The following EIF4G3 variants were observed in gnomAD, a reference collection of about 807,000 sequenced individuals.
EIF4G3 encodes the protein eukaryotic translation initiation factor 4 gamma 3, also known as eIF-4-gamma 3.
Under a neutral mutation model 186.4 loss-of-function variants are expected in EIF4G3, and 34 were observed. The ratio of observed to expected loss-of-function variants is 0.18; its 90% CI spans 0.14 to 0.24. The LOEUF is 0.24. Among genes scored for constraint, EIF4G3 ranks in the 10% least tolerant of loss-of-function variants. EIF4G3 has a pLI of 1.00. For missense variants in EIF4G3, 1,536 were observed against 1,948.5 expected (o/e 0.79, Z 3.99); for synonymous variants, 673 against 679.5 (o/e 0.99, Z 0.15).
intron 2 of EIF4G3, among the ~76,000 whole-genome samples, chr1:21,141,830 T>G (rs1005513374): frequency 6.6e-6 from 1 of 151,408 alleles, no homozygotes; most frequent in Non-Finnish European, 1.5e-5. Flanking sequence ...ACTAGAGAGG[T>G]TGAAGGGGAA....
At chr1:20,950,321 G>T (rs554745864) in intron 12 of EIF4G3, among the ~76,000 whole-genome samples, 4 of 152,204 alleles carry the variant, frequency 2.6e-5, no homozygotes, top group African/African-American at 9.6e-5. Context: ...CAGAAAAAGA[G>T]GAAGGAAAAG....
intron 2 of EIF4G3, among the ~76,000 whole-genome samples, chr1:21,119,446 C>T (rs977204678): frequency 6.6e-6 from 1 of 152,006 alleles, no homozygotes; most frequent in Non-Finnish European, 1.5e-5. Context: ...CTAATTTTCC[C>T]GGGTCATGAT....
intron 2 of EIF4G3, among the ~76,000 whole-genome samples, chr1:21,141,624 ATG>A (rs2097341208): frequency 1.3e-5 from 2 of 152,132 alleles, no homozygotes; most frequent in South Asian, 4.1e-4. Flanking sequence ...GAATAGAAAA[ATG>A]TTTTTAAAAT....
intron 30 of EIF4G3, among the ~76,000 whole-genome samples, chr1:20,839,125 G>A (rs558120679): frequency 2.0e-5 from 3 of 152,176 alleles, no homozygotes; most frequent in South Asian, 4.1e-4. Flanking sequence ...TTACAGGTGC[G>A]TGCCACCACG....
intron 16 of EIF4G3, among the ~76,000 whole-genome samples, chr1:20,899,118 A>G (rs1174909370): frequency 6.6e-6 from 1 of 152,248 alleles, no homozygotes; most frequent in Non-Finnish European, 1.5e-5. Context: ...TTTATATAGC[A>G]TTATGACAGA....
chr1:20,977,029 AT>A, intron 10 of EIF4G3, among the ~76,000 whole-genome samples: 1 of 152,172 alleles, frequency 6.6e-6, no homozygotes, highest in South Asian at 2.1e-4. Context: ...AAGTTTTATT[AT>A]TTACACTACT....
intron 30 of EIF4G3, among the ~76,000 whole-genome samples, chr1:20,829,698 T>A (rs1227912759): frequency 1.3e-5 from 2 of 152,212 alleles, no homozygotes; most frequent in Non-Finnish European, 2.9e-5. Flanking sequence ...AAGCACTGAC[T>A]AAACACTTAC....
chr1:21,001,171 A>T (rs1220271753), intron 6 of EIF4G3, 28 bp downstream of exon 6: 2 of 471,344 alleles, frequency 4.2e-6, no homozygotes, highest in African/African-American at 4.0e-5. Flanking sequence ...CACTGCCTGC[A>T]AGAAGTACAG....
At chr1:20,995,884 A>G (rs1270703880) in intron 7 of EIF4G3, among the ~76,000 whole-genome samples, 1 of 152,234 alleles carries the variant, frequency 6.6e-6, no homozygotes, top group African/African-American at 2.4e-5. Flanking sequence ...GGTGCCTTAC[A>G]TAAAGGAGAT....
rs181930267 is a variant in EIF4G3, at chr1:20,876,665, A to G, written c.2622+2658T>C. On this transcript the variant is annotated intron_variant, in intron 20 of 36. Transcript: ENST00000602326. ...GAGTAATAACTGTATTAACTATACC[A>G]TTTGACTTGTTCAAATAGGTTGTTA... Among the ~76,000 whole-genome samples the G allele has an allele frequency of 5.4e-4, 83 of 152,310 alleles. No homozygotes were observed. The East Asian group carries it at 0.014, about 25-fold the overall frequency.
intron 2 of EIF4G3, among the ~76,000 whole-genome samples, chr1:21,118,914 T>A (rs1382104059): frequency 8.6e-6 from 1 of 116,752 alleles, no homozygotes; most frequent in Admixed American, 1.1e-4. Context: ...GGCAACATAC[T>A]GAGAACCAAG....
At chr1:21,101,099 C>T (rs1432013354) in intron 2 of EIF4G3, among the ~76,000 whole-genome samples, 2 of 151,944 alleles carry the variant, frequency 1.3e-5, no homozygotes, top group Non-Finnish European at 2.9e-5. Context: ...AGAAATAAGT[C>T]GACGTATTTT....
intron 24 of EIF4G3, among the ~76,000 whole-genome samples, chr1:20,859,828 A>G (rs910130011): frequency 3.9e-5 from 6 of 152,148 alleles, no homozygotes; most frequent in Admixed American, 2.0e-4. Context: ...CCTGACCTCA[A>G]TTGATCCACC....
At chr1:21,078,183 C>T (rs1007897468) in intron 3 of EIF4G3, among the ~76,000 whole-genome samples, 2 of 152,076 alleles carry the variant, frequency 1.3e-5, no homozygotes, top group Non-Finnish European at 2.9e-5. Context: ...TTTACTGTAG[C>T]GCTATTCACA....
At chr1:21,018,420 C>A (rs1311229086) in intron 4 of EIF4G3, among the ~76,000 whole-genome samples, 1 of 151,932 alleles carries the variant, frequency 6.6e-6, no homozygotes, top group Non-Finnish European at 1.5e-5. Context: ...AAATACAGGG[C>A]ATGGTGGTGG....
At chr1:20,812,601 T>C (rs2059470666) in intron 35 of EIF4G3, among the ~76,000 whole-genome samples, 1 of 152,174 alleles carries the variant, frequency 6.6e-6, no homozygotes. Flanking sequence ...CATTGAATAA[T>C]GTTAAACATT....
At chr1:20,845,513 T>C (rs1312805551) in intron 29 of EIF4G3, among the ~76,000 whole-genome samples, 1 of 151,956 alleles carries the variant, frequency 6.6e-6, no homozygotes, top group Non-Finnish European at 1.5e-5. Context: ...GTACAAAAAA[T>C]TAGCCGGGCA....
chr1:20,894,211 A>G (rs981072757), intron 17 of EIF4G3, among the ~76,000 whole-genome samples: 14 of 152,214 alleles, frequency 9.2e-5, no homozygotes, highest in African/African-American at 2.9e-4. Flanking sequence ...GACCATGGAC[A>G]ACATAAAGTT....
Position 20,827,683 on chromosome 1 carries a change from A to T in EIF4G3, c.4203T>A (p.Pro1401=), listed in dbSNP as rs1221853954. ...MRELTIEFSK[P]LLPVGRAGVL... ...CCCCAGCTCTTCCAACAGGAAGTAA[A>T]GGTTTGCTAAATTCTCTGTAAAAGA... The change falls in exon 32 of 37, where the codon CCT becomes CCA. Residue 1401 remains proline (P), a synonymous_variant. Transcript: ENST00000602326. The T allele has an allele frequency of 8.1e-6, 13 of 1,610,814 alleles. No individual in the cohort carries two copies. Among genetic ancestry groups the T allele is most frequent in the Non-Finnish European group, 1.1e-5 (13 of 1,177,428 alleles).
Sources: gnomAD v4.1 joint callset for allele counts (sites outside exome capture counted in the v4.1 genomes callset) on GRCh38, gnomAD v4.1.1 for gene constraint, MANE v1.5 for transcripts, NCBI Gene and HGNC (gene_info 2026-07-23, HGNC 2026-07-21) for gene names.